Variants in BCAT1 observed in about 807,000 individuals in gnomAD.
The protein encoded by BCAT1 is branched-chain-amino-acid aminotransferase, cytosolic.
In BCAT1, 48 loss-of-function variants were observed where a neutral mutation model predicts 52.4. That is an observed-to-expected ratio of 0.92 (90% CI 0.73 to 1.16). The LOEUF (loss-of-function observed/expected upper bound fraction) is 1.16. Ranked by LOEUF, BCAT1 falls within the 50% of genes most tolerant of loss-of-function variation. BCAT1 has a pLI of 0.00. For synonymous variants in BCAT1, 167 were observed against 161.3 expected, an observed-to-expected ratio of 1.04 and a Z score of -0.27; for missense variants, 451 against 457.1, an observed-to-expected ratio of 0.99 and a Z score of 0.12.
At chr12:24,887,874 T>C (rs1369468610) in intron 3 of BCAT1, among the ~76,000 whole-genome samples, 1 of 152,192 alleles carries the variant, frequency 6.6e-6, no homozygotes, top group East Asian at 1.9e-4. Context: ...CTTTCAGATA[T>C]TAAAAATTAC....
At chr12:24,902,668 T>C in intron 1 of BCAT1, 1 of 509,028 alleles carries the variant, frequency 2.0e-6, no homozygotes, top group Non-Finnish European at 3.3e-6. Flanking sequence ...TACCCTCACG[T>C]CCCCCGTGGC....
chr12:24,878,689 C>T (rs771596901), intron 4 of BCAT1, 40 bp from the exon 5 acceptor site: 3 of 1,546,654 alleles, frequency 1.9e-6, no homozygotes, highest in Non-Finnish European at 2.6e-6. Flanking sequence ...AGAATTTTCT[C>T]ACAATGTGGC....
chr12:24,816,166 T>A lies in BCAT1; in HGVS notation c.*1842A>T, dbSNP rs1939867558. On this transcript the variant is annotated 3_prime_UTR_variant, in exon 11 of 11. Transcript: ENST00000261192. Reference sequence around the variant, plus strand: ...TTCTCAATTTTCATTTTACTATCCCTGTCTATAAAAGACCCTATGGCTAAA... The same window carrying A: ...TTCTCAATTTTCATTTTACTATCCCAGTCTATAAAAGACCCTATGGCTAAA... 4.7e-6 allele frequency: 1 copy of A among 212,054 alleles called. No homozygotes were observed. The highest frequency in any genetic ancestry group is 2.3e-5 in the African/African-American group (1 of 43,968). The allele number at this position is 212,054 out of a possible 1,614,324, so 13.1% of individuals were successfully genotyped here. A position where few individuals can be genotyped will look rare whatever the true frequency, so the allele number is the denominator to read the frequency against.
chr12:24,886,070 A>C (rs758311876), intron 3 of BCAT1, among the ~76,000 whole-genome samples: 1 of 152,218 alleles, frequency 6.6e-6, no homozygotes, highest in Non-Finnish European at 1.5e-5. Flanking sequence ...GTGAACAAAA[A>C]ACTTGAACAA....
chr12:24,810,423 TTC>T lies in BCAT1; in HGVS notation c.*7583_*7584del, dbSNP rs1218535138. 6.6e-6 allele frequency: 1 copy of T among 152,190 alleles called. No individual in the cohort carries two copies. Among genetic ancestry groups the T allele is most frequent in the African/African-American group, 2.4e-5 (1 of 41,464 alleles). The allele number at this position is 152,190 out of a possible 1,614,324, so 9.4% of individuals were successfully genotyped here. A position where few individuals can be genotyped will look rare whatever the true frequency, so the allele number is the denominator to read the frequency against. On this transcript the variant is annotated 3_prime_UTR_variant, in exon 11 of 11. Transcript: ENST00000261192. ...ATTATAAAATTTGAAATATCCCCTT[TTC>T]TTTTTGTTTTGTACTAAATCAATGT...
At chr12:24,863,432 TCA>T (rs1941908343) in intron 5 of BCAT1, among the ~76,000 whole-genome samples, 2 of 152,166 alleles carry the variant, frequency 1.3e-5, no homozygotes, top group Non-Finnish European at 2.9e-5. Context: ...CCACAGAACT[TCA>T]GTCAACACTC....
intron 1 of BCAT1, among the ~76,000 whole-genome samples, chr12:24,938,871 T>TTTAC (rs1943807790): frequency 6.6e-6 from 1 of 151,554 alleles, no homozygotes. Flanking sequence ...TTGCTATTTA[T>TTTAC]TTATTTATTT....
intron 1 of BCAT1, among the ~76,000 whole-genome samples, chr12:24,918,812 G>A (rs1943457996): frequency 6.6e-6 from 1 of 152,206 alleles, no homozygotes; most frequent in Admixed American, 6.5e-5. Context: ...TCTCTGGAAA[G>A]TCTTCCTGTA....
intron 1 of BCAT1, among the ~76,000 whole-genome samples, chr12:24,925,431 A>G (rs1409692865): frequency 1.3e-5 from 2 of 152,188 alleles, no homozygotes; most frequent in African/African-American, 4.8e-5. Context: ...ATCTCTTGAT[A>G]GATAGATAGA....
chr12:24,942,745 C>A (rs1310211524), intron 1 of BCAT1, among the ~76,000 whole-genome samples: 1 of 152,160 alleles, frequency 6.6e-6, no homozygotes, highest in African/African-American at 2.4e-5. Context: ...TAAGAAATTG[C>A]ATATTAACCT....
Position 24,881,345 on chromosome 12 carries a change from T to G in BCAT1, c.346A>C (p.Asn116His). 1 of 1,613,452 alleles carries G rather than the reference T, an allele frequency of 6.2e-7. No homozygotes were observed. The highest frequency in any genetic ancestry group is 8.5e-7 in the Non-Finnish European group (1 of 1,179,418). The change falls in exon 4 of 11, where the codon AAC (asparagine) becomes CAC (histidine). Residue 116 changes from asparagine (N) to histidine (H), a missense_variant. Transcript: ENST00000261192. ...GCAGAGCGATACATTCTATCCATGT[T>G]GAGGTTTGGCTGAAACAGTCGAATT... is the stretch of plus-strand genomic sequence containing the variant. ...NKIRLFQPNL[N>H]MDRMYRSAVR...
chr12:24,878,560 C>T lies in BCAT1; in HGVS notation c.480G>A (p.Leu160=), dbSNP rs752843899. The T allele has an allele frequency of 6.2e-7, 1 of 1,611,772 alleles. No individual in the cohort carries two copies. The highest frequency in any genetic ancestry group is 1.1e-5 in the South Asian group (1 of 90,840). ...TTCCAATGAATGTAGGACGAATATA[C>T]AGACTAGCAGATGTTGAATATGGGA... ...EWVPYSTSAS[L]YIRPTFIGTE... The change falls in exon 5 of 11, where the codon CTG becomes CTA. Residue 160 remains leucine, a synonymous_variant. Transcript: ENST00000261192.
At chr12:24,852,146 C>T (rs927393363) in intron 5 of BCAT1, among the ~76,000 whole-genome samples, 2 of 152,186 alleles carry the variant, frequency 1.3e-5, no homozygotes, top group Non-Finnish European at 2.9e-5. Flanking sequence ...GCTTCCCTTT[C>T]ACCTTCTTCC....
intron 5 of BCAT1, among the ~76,000 whole-genome samples, chr12:24,854,948 C>G (rs916871598): frequency 6.6e-6 from 1 of 152,126 alleles, no homozygotes; most frequent in African/African-American, 2.4e-5. Context: ...TAGTGAGACA[C>G]AGCGGGGATA....
At chr12:24,864,521 G>C (rs963923968) in intron 5 of BCAT1, among the ~76,000 whole-genome samples, 1 of 152,122 alleles carries the variant, frequency 6.6e-6, no homozygotes, top group Non-Finnish European at 1.5e-5. Flanking sequence ...ACATGTCCCT[G>C]CCTGCTTACG....
intron 1 of BCAT1, chr12:24,902,184 G>C (rs1591859248): frequency 1.4e-6 from 2 of 1,431,696 alleles, no homozygotes; most frequent in Non-Finnish European, 1.8e-6. Context: ...CGCCGGCAAA[G>C]AACAAAAAAA....
intron 1 of BCAT1, among the ~76,000 whole-genome samples, chr12:24,947,026 C>A (rs1943941629): frequency 6.6e-6 from 1 of 152,050 alleles, no homozygotes; most frequent in South Asian, 2.1e-4. Context: ...CCAACCCCCA[C>A]CTCTTTTTTT....
chr12:24,910,772 GT>G (rs1202721398), intron 1 of BCAT1, among the ~76,000 whole-genome samples: 1 of 152,032 alleles, frequency 6.6e-6, no homozygotes, highest in African/African-American at 2.4e-5. Context: ...AATCATTGTT[GT>G]TTTTTTAATC....
chr12:24,829,894 T>C lies in BCAT1; in HGVS notation c.1048A>G (p.Ile350Val). Residue 350 changes from isoleucine to valine, a missense_variant, in exon 10 of 11, where the codon ATA becomes GTA. Physicochemically the swap from Ile to Val is conservative, Grantham distance 29. Transcript: ENST00000261192. ...VSDILYKGET[I>V]HIPTMENGPK... The stretch of plus-strand genomic sequence containing the variant: ...CCATTCTCCATAGTTGGAATGTGTA[T>C]TGTCTACAAAAGAAAGGGAAATGAG... 6.2e-7 allele frequency: 1 copy of C among 1,606,620 alleles called. No individual in the cohort carries two copies. The highest frequency in any genetic ancestry group is 2.2e-5 in the East Asian group (1 of 44,754).
Sources: allele counts gnomAD v4.1 joint callset (sites outside exome capture counted in the v4.1 genomes callset), GRCh38; gene constraint gnomAD v4.1.1; transcripts MANE v1.5; gene names NCBI Gene and HGNC (gene_info 2026-07-23, HGNC 2026-07-21).